The following CNTNAP2 variants were observed in gnomAD, a reference collection of about 807,000 sequenced individuals.
The protein encoded by CNTNAP2 is contactin associated protein 2.
A neutral mutation model predicts 155.2 loss-of-function variants in CNTNAP2; 98 were observed. That is an observed-to-expected ratio of 0.63 (90% CI 0.54 to 0.75). CNTNAP2 has a LOEUF of 0.75. Ranked by LOEUF, CNTNAP2 falls within the 30% of genes least tolerant of loss-of-function variation. CNTNAP2 has a pLI of 0.00. For synonymous variants in CNTNAP2, 651 were observed against 631.2 expected, an observed-to-expected ratio of 1.03 and a Z score of -0.47; for missense variants, 1,727 against 1,688.1, an observed-to-expected ratio of 1.02 and a Z score of -0.40.
At chr7:148,189,338 C>T (rs902730952) in intron 18 of CNTNAP2, among the ~76,000 whole-genome samples, 7 of 152,090 alleles carry the variant, frequency 4.6e-5, no homozygotes, top group African/African-American at 1.4e-4. Flanking sequence ...TTTAGAAAGA[C>T]GGCAAGCAAA....
At chr7:146,258,667 T>C (rs573796264) in intron 1 of CNTNAP2, among the ~76,000 whole-genome samples, 3 of 152,316 alleles carry the variant, frequency 2.0e-5, no homozygotes, top group African/African-American at 7.2e-5. Context: ...CTCTCTAAAC[T>C]GTTTCTTCTG....
chr7:148,125,433 G>GTATCCA (rs1467903119), intron 16 of CNTNAP2, among the ~76,000 whole-genome samples: 5 of 152,146 alleles, frequency 3.3e-5, no homozygotes, highest in African/African-American at 9.6e-5. Context: ...CTTAGTACAC[G>GTATCCA]TATCCATGCG....
intron 15 of CNTNAP2, among the ~76,000 whole-genome samples, chr7:148,116,020 T>C (rs542269890): frequency 6.6e-6 from 1 of 151,674 alleles, no homozygotes; most frequent in African/African-American, 2.4e-5. Context: ...GTGCCTGTAA[T>C]CCCAGCTACT....
chr7:147,327,993 A>G (rs575773617), intron 9 of CNTNAP2, among the ~76,000 whole-genome samples: 2 of 152,322 alleles, frequency 1.3e-5, no homozygotes, highest in Admixed American at 1.3e-4. Context: ...CACATACTCT[A>G]GTAGGCCAGA....
intron 13 of CNTNAP2, among the ~76,000 whole-genome samples, chr7:147,724,344 TA>T (rs1277543651): frequency 3.3e-5 from 5 of 152,136 alleles, no homozygotes; most frequent in Admixed American, 1.3e-4. Context: ...GAGCCGGAAT[TA>T]AATGAAATGA....
chr7:146,950,760 G>T (rs1304241385), intron 3 of CNTNAP2, among the ~76,000 whole-genome samples: 2 of 152,036 alleles, frequency 1.3e-5, no homozygotes. Flanking sequence ...ACAGACTTGT[G>T]CATGTGTCTT....
intron 1 of CNTNAP2, among the ~76,000 whole-genome samples, chr7:146,388,863 T>C (rs1176006458): frequency 1.3e-5 from 2 of 152,154 alleles, no homozygotes; most frequent in Non-Finnish European, 2.9e-5. Context: ...ATGTGTGATG[T>C]TTGTCTTTCT....
intron 8 of CNTNAP2, among the ~76,000 whole-genome samples, chr7:147,230,757 A>G (rs1213180053): frequency 2.0e-5 from 3 of 152,124 alleles, no homozygotes; most frequent in Non-Finnish European, 4.4e-5. Flanking sequence ...TCCACACCCT[A>G]TCCCCTGACA....
intron 5 of CNTNAP2, among the ~76,000 whole-genome samples, chr7:147,110,087 G>T (rs1159854380): frequency 2.0e-5 from 3 of 151,886 alleles, no homozygotes; most frequent in Admixed American, 1.3e-4. Flanking sequence ...ACCATGCCCG[G>T]TTAATTTTTG....
At chr7:146,952,807 T>G (rs1404226666) in intron 3 of CNTNAP2, among the ~76,000 whole-genome samples, 1 of 152,062 alleles carries the variant, frequency 6.6e-6, no homozygotes, top group Non-Finnish European at 1.5e-5. Context: ...TAAAGGCACA[T>G]AAGATCACAG....
intron 3 of CNTNAP2, among the ~76,000 whole-genome samples, chr7:146,944,216 A>C (rs1382062749): frequency 7.4e-6 from 1 of 135,792 alleles, no homozygotes; most frequent in Non-Finnish European, 1.6e-5. Context: ...TGTGAGATTC[A>C]TCTACAGGTT....
chr7:146,334,188 T>A (rs1156688175), intron 1 of CNTNAP2, among the ~76,000 whole-genome samples: 1 of 152,026 alleles, frequency 6.6e-6, no homozygotes, highest in Non-Finnish European at 1.5e-5. Context: ...TCCCAGCACT[T>A]TGGGAGGCTG....
chr7:147,213,444 A>G (rs1228660119), intron 8 of CNTNAP2, among the ~76,000 whole-genome samples: 1 of 152,116 alleles, frequency 6.6e-6, no homozygotes, highest in African/African-American at 2.4e-5. Context: ...GAGTTGACAC[A>G]TCAAACTAAC....
chr7:147,530,761 A>G (rs1429703381), intron 11 of CNTNAP2, among the ~76,000 whole-genome samples: 2 of 152,048 alleles, frequency 1.3e-5, no homozygotes, highest in African/African-American at 2.4e-5. Flanking sequence ...TTCAAAACCA[A>G]TCATGCCTTC....
intron 21 of CNTNAP2, among the ~76,000 whole-genome samples, chr7:148,295,787 G>A (rs1233534373): frequency 6.6e-6 from 1 of 151,986 alleles, no homozygotes; most frequent in African/African-American, 2.4e-5. Context: ...CAACGCGCCC[G>A]GCCTCAATTA....
At chr7:148,340,794 G>A (rs892652489) in intron 21 of CNTNAP2, among the ~76,000 whole-genome samples, 2 of 152,176 alleles carry the variant, frequency 1.3e-5, no homozygotes, top group Non-Finnish European at 2.9e-5. Context: ...GTCTCCACCT[G>A]ATCTAGGCTG....
At chr7:147,220,514 A>G (rs1443736822) in intron 8 of CNTNAP2, among the ~76,000 whole-genome samples, 1 of 152,196 alleles carries the variant, frequency 6.6e-6, no homozygotes, top group Non-Finnish European at 1.5e-5. Flanking sequence ...ATCTACCAGC[A>G]TACCAACTAT....
intron 15 of CNTNAP2, among the ~76,000 whole-genome samples, chr7:148,013,713 T>A (rs1366766597): frequency 6.6e-6 from 1 of 152,216 alleles, no homozygotes. Context: ...TTACACACCC[T>A]GCAACAAAGG....
chr7:147,443,995 ACCAT>A (rs1797687845), intron 10 of CNTNAP2, among the ~76,000 whole-genome samples: 2 of 152,184 alleles, frequency 1.3e-5, no homozygotes, highest in Non-Finnish European at 2.9e-5. Flanking sequence ...TCTCCTATGC[ACCAT>A]TCACATTTTC....
Sources: gnomAD v4.1 joint callset for allele counts (sites outside exome capture counted in the v4.1 genomes callset) on GRCh38, gnomAD v4.1.1 for gene constraint, MANE v1.5 for transcripts, NCBI Gene and HGNC (gene_info 2026-07-23, HGNC 2026-07-21) for gene names.